The following CECR2 variants were observed in gnomAD, a reference collection of about 807,000 sequenced individuals.
CECR2 encodes CECR2 histone acetyl-lysine reader, also known as chromatin remodeling regulator CECR2.
In CECR2, 30 loss-of-function variants were observed where a neutral mutation model predicts 154.5. That is an observed-to-expected ratio of 0.19 (90% CI 0.15 to 0.26). The LOEUF is 0.26. Among genes scored for constraint, CECR2 ranks in the 10% least tolerant of loss-of-function variants. The pLI is 1.00. For missense variants in CECR2, 1,743 were observed against 1,829.3 expected (o/e 0.95, Z 0.86); for synonymous variants, 725 against 683.7 (o/e 1.06, Z -0.94).
rs1057366157 is a variant in CECR2 at position 17,557,555 on chromosome 22, AC to A, written c.*4717del. ...GAGGGACTGTTCCGGGCTCGGCTTG[AC>A]CTTTTCCTACCTAGTTTCTCCCTCT... On this transcript the variant is annotated 3_prime_UTR_variant, in exon 19 of 19. Transcript: ENST00000262608. 6.6e-6 allele frequency: 1 copy of A among 150,730 alleles called. No individual in the cohort carries two copies. The highest frequency in any genetic ancestry group is 2.4e-5 in the African/African-American group (1 of 40,896). 9.3% of individuals were successfully genotyped at this position (150,730 alleles called of 1,614,324 possible). A position where few individuals can be genotyped will look rare whatever the true frequency, so the allele number is the denominator to read the frequency against.
Position 17,542,616 on chromosome 22 carries a change from G to A in CECR2, c.2473G>A (p.Glu825Lys), listed in dbSNP as rs1396048894. ...RPPVPPNQWTEQSGFLPHGVP... is the reference protein window; with the variant it reads ...RPPVPPNQWTKQSGFLPHGVP... ...ACCTGTCCCCCCCAACCAGTGGACT[G>A]AACAATCAGGCTTCCTACCTCATGG... Residue 825 changes from glutamate to lysine, a missense_variant, in exon 16 of 19, where the codon GAA becomes AAA. Physicochemically the swap from Glu to Lys is moderately conservative, Grantham distance 56. Transcript: ENST00000262608. 1.2e-6 allele frequency: 2 copies of A among 1,613,896 alleles called. No individual in the cohort carries two copies. The highest frequency in any genetic ancestry group is 1.7e-6 in the Non-Finnish European group (2 of 1,179,892).
intron 9 of CECR2, among the ~76,000 whole-genome samples, chr22:17,533,861 CA>C (rs975219909): frequency 5.9e-5 from 9 of 151,766 alleles, no homozygotes; most frequent in African/African-American, 2.2e-4. Context: ...GGATTACAGG[CA>C]TGCACCACCA....
intron 1 of CECR2, among the ~76,000 whole-genome samples, chr22:17,470,505 T>TG (rs2055108802): frequency 6.6e-6 from 1 of 152,148 alleles, no homozygotes; most frequent in Admixed American, 6.5e-5. Flanking sequence ...CATCGAAAGA[T>TG]GAAGTCCCAC....
At chr22:17,477,134 T>C (rs749183006) in intron 1 of CECR2, 1 of 726,164 alleles carries the variant, frequency 1.4e-6, no homozygotes, top group Admixed American at 1.9e-5. Context: ...TTTAAAGCTG[T>C]TGCAGATGGT....
intron 1 of CECR2, among the ~76,000 whole-genome samples, chr22:17,415,615 T>C (rs2054146325): frequency 6.6e-6 from 1 of 152,170 alleles, no homozygotes; most frequent in African/African-American, 2.4e-5. Context: ...TTGGATAAAA[T>C]GGGGAGATGT....
intron 1 of CECR2, among the ~76,000 whole-genome samples, chr22:17,455,052 G>A (rs1274054276): frequency 1.3e-5 from 2 of 152,150 alleles, no homozygotes; most frequent in Non-Finnish European, 2.9e-5. Context: ...CGATTGGCTA[G>A]CAACTTAGAA....
At chr22:17,484,707 G>A (rs536872695) in intron 2 of CECR2, among the ~76,000 whole-genome samples, 11 of 152,142 alleles carry the variant, frequency 7.2e-5, no homozygotes, top group Middle Eastern at 3.4e-3. Flanking sequence ...TCGAGACCAC[G>A]TCTCTACTAA....
chr22:17,458,086 G>A (rs916493259), intron 1 of CECR2, among the ~76,000 whole-genome samples: 2 of 152,050 alleles, frequency 1.3e-5, no homozygotes, highest in Non-Finnish European at 2.9e-5. Context: ...CATCTTAATT[G>A]TGGGGGTGGC....
At position 17,477,593 on chromosome 22, in the gene CECR2, A is replaced by G; in HGVS notation, c.132A>G (p.Leu44=). The G allele has an allele frequency of 6.2e-7, 1 of 1,610,434 alleles. No homozygotes were observed. The highest frequency in any genetic ancestry group is 8.5e-7 in the Non-Finnish European group (1 of 1,176,922). ...TCCCTCTCTCCCTCCCTCAGGAGTTAGAAGCCGCTCTTCACAGAGATGACG... is the reference window on the plus strand; with the variant it reads ...TCCCTCTCTCCCTCCCTCAGGAGTTGGAAGCCGCTCTTCACAGAGATGACG... The part of the protein sequence containing the change: ...FRLPDFEIEE[L]EAALHRDDVE... The change falls in exon 2 of 19, where the codon TTA becomes TTG. Residue 44 remains leucine, a synonymous_variant. Transcript: ENST00000262608.
intron 1 of CECR2, among the ~76,000 whole-genome samples, chr22:17,445,667 A>C (rs1254332882): frequency 6.6e-6 from 1 of 151,544 alleles, no homozygotes; most frequent in Non-Finnish European, 1.5e-5. Context: ...ATCTTGGCTG[A>C]CTGCAACCTC....
At chr22:17,388,410 A>G (rs1426415808) in intron 1 of CECR2, among the ~76,000 whole-genome samples, 2 of 152,242 alleles carry the variant, frequency 1.3e-5, no homozygotes, top group Non-Finnish European at 2.9e-5. Flanking sequence ...ACTGTAGGAA[A>G]CAGGCTCAGA....
intron 1 of CECR2, among the ~76,000 whole-genome samples, chr22:17,413,730 A>T (rs558959995): frequency 2.0e-5 from 3 of 148,520 alleles, no homozygotes; most frequent in Non-Finnish European, 3.0e-5. Flanking sequence ...AGGCTGGAGT[A>T]CAGTGGCGCG....
rs371096257 is a variant in CECR2 at position 17,392,685 on chromosome 22, G to GA, written c.126+22787dup. Among the ~76,000 whole-genome samples, 96 of 139,920 alleles carry GA rather than the reference G, an allele frequency of 6.9e-4. 1 individual carries two copies. The highest frequency in any genetic ancestry group is 3.6e-3 in the Middle Eastern group (1 of 278). 91.8% of individuals were successfully genotyped at this position (139,920 alleles called of 152,430 possible). A position where few individuals can be genotyped will look rare whatever the true frequency, so the allele number is the denominator to read the frequency against. On this transcript the variant is annotated intron_variant, in intron 1 of 18. Transcript: ENST00000262608. ...TGACAGAGCAAGACCTTGTCTCAAA[G>GA]AAAAAAAAAAACAGCTTTATTGAGA... is the stretch of plus-strand genomic sequence containing the variant.
At chr22:17,368,510 G>A (rs1457984751), upstream of CECR2, among the ~76,000 whole-genome samples, 1 of 151,958 alleles carries the variant, frequency 6.6e-6, no homozygotes, top group Non-Finnish European at 1.5e-5. Flanking sequence ...TTTTTTCTTA[G>A]GATTTAGCAG....
intron 1 of CECR2, among the ~76,000 whole-genome samples, chr22:17,448,393 G>A (rs1479695552): frequency 6.6e-6 from 1 of 152,040 alleles, no homozygotes; most frequent in Non-Finnish European, 1.5e-5. Context: ...ATAATTTATC[G>A]TATATGATGC....
intron 1 of CECR2, among the ~76,000 whole-genome samples, chr22:17,469,023 A>G (rs770542683): frequency 4.6e-5 from 7 of 152,136 alleles, no homozygotes; most frequent in Non-Finnish European, 7.4e-5. Context: ...CCCAGATGGC[A>G]TTAATCCATT....
rs564408783 is a variant in CECR2 at position 17,491,353 on chromosome 22, C to T, written c.222-6050C>T. On this transcript the variant is annotated intron_variant, in intron 2 of 18. Coordinates refer to ENST00000262608, the MANE Select transcript of CECR2 (RefSeq NM_001290047.2). ...CCGTGTCTCTGCATCCTGGTCAGCA[C>T]TTGTTACTGTGTGTTTTTTGACGTC... is the stretch of plus-strand genomic sequence containing the variant. Among the ~76,000 whole-genome samples the T allele has an allele frequency of 3.9e-4, 60 of 152,154 alleles. 2 individuals carry two copies. The South Asian group carries it at 0.012, about 31-fold the overall frequency.
intron 9 of CECR2, among the ~76,000 whole-genome samples, chr22:17,528,322 G>T (rs1020550265): frequency 6.6e-6 from 1 of 152,146 alleles, no homozygotes; most frequent in Non-Finnish European, 1.5e-5. Flanking sequence ...ACAAACATTG[G>T]ATATTCTCAC....
intron 2 of CECR2, among the ~76,000 whole-genome samples, chr22:17,483,765 C>A (rs1028264876): frequency 2.0e-5 from 3 of 152,090 alleles, no homozygotes; most frequent in Non-Finnish European, 4.4e-5. Flanking sequence ...CCTAAGTTTA[C>A]AGCATTTAGA....
Sources: gnomAD v4.1 joint callset for allele counts (sites outside exome capture counted in the v4.1 genomes callset) on GRCh38, gnomAD v4.1.1 for gene constraint, MANE v1.5 for transcripts, NCBI Gene and HGNC (gene_info 2026-07-23, HGNC 2026-07-21) for gene names.